The following GPT2 variants were observed in gnomAD, a reference collection of about 807,000 sequenced individuals.
The protein encoded by GPT2 is alanine aminotransferase 2.
A neutral mutation model predicts 56.9 loss-of-function variants in GPT2; 30 were observed. That is an observed-to-expected ratio of 0.53 (90% CI 0.39 to 0.72). The LOEUF (loss-of-function observed/expected upper bound fraction) is 0.72, where lower values mean the gene tolerates loss of function less well. Ranked by LOEUF, GPT2 falls within the 30% of genes least tolerant of loss-of-function variation. GPT2 has a pLI of 0.00. For synonymous variants in GPT2, 271 were observed against 283.1 expected, an observed-to-expected ratio of 0.96 and a Z score of 0.43; for missense variants, 542 against 703.4, an observed-to-expected ratio of 0.77 and a Z score of 2.60.
intron 2 of GPT2, chr16:46,885,262 A>C (rs1043684476): frequency 8.8e-7 from 1 of 1,133,420 alleles, no homozygotes; most frequent in Non-Finnish European, 1.1e-6. Context: ...ACCAAGGTCC[A>C]GTGGAGAGAG....
intron 2 of GPT2, among the ~76,000 whole-genome samples, chr16:46,896,234 C>T (rs931316363): frequency 6.6e-6 from 1 of 152,226 alleles, no homozygotes; most frequent in Admixed American, 6.5e-5. Context: ...TTGGGTTTAT[C>T]AGGGAAATGT....
At chr16:46,903,948 C>T (rs953140478) in intron 4 of GPT2, among the ~76,000 whole-genome samples, 2 of 152,114 alleles carry the variant, frequency 1.3e-5, no homozygotes, top group African/African-American at 4.8e-5. Flanking sequence ...TAAGGGGAAA[C>T]GTGGCATTCA....
chr16:46,901,947 C>T (rs1294504273), intron 4 of GPT2, among the ~76,000 whole-genome samples: 1 of 152,218 alleles, frequency 6.6e-6, no homozygotes. Flanking sequence ...CTTCCGGGCT[C>T]CTTTCCCCCC....
chr16:46,897,350 G>A (rs1056087042), intron 2 of GPT2, among the ~76,000 whole-genome samples: 1 of 152,138 alleles, frequency 6.6e-6, no homozygotes, highest in Non-Finnish European at 1.5e-5. Flanking sequence ...TCCATCTTGG[G>A]CAAGAGAGCA....
chr16:46,921,722 C>T lies in GPT2; in HGVS notation c.1038-520C>T, dbSNP rs78493423. 6.5e-3 allele frequency among the ~76,000 whole-genome samples: 982 copies of T among 152,200 alleles called. 6 individuals are homozygous for T. The highest frequency in any genetic ancestry group is 8.3e-3 in the Non-Finnish European group (562 of 68,012). ...TCATATGATTTGATTTATAATTTGG[C>T]TATAAATTACAGAACTTGGCACGGT... On this transcript the variant is annotated intron_variant, in intron 8 of 11. Transcript: ENST00000340124.
intron 2 of GPT2, among the ~76,000 whole-genome samples, chr16:46,896,984 C>G (rs1960696377): frequency 6.6e-6 from 1 of 152,332 alleles, no homozygotes; most frequent in Admixed American, 6.5e-5. Context: ...ATCGCCTGAG[C>G]CCAGAAGGTC....
intron 8 of GPT2, among the ~76,000 whole-genome samples, chr16:46,921,648 G>A (rs1961290444): frequency 6.6e-6 from 1 of 152,142 alleles, no homozygotes; most frequent in Non-Finnish European, 1.5e-5. Context: ...TGCTGATTTG[G>A]TCTGGAAAGA....
chr16:46,905,551 A>G (rs1960908075), intron 4 of GPT2, among the ~76,000 whole-genome samples: 1 of 152,178 alleles, frequency 6.6e-6, no homozygotes. Context: ...ACAATGAAAC[A>G]TCTGCCTTCC....
At chr16:46,891,710 A>C (rs553622947) in intron 2 of GPT2, among the ~76,000 whole-genome samples, 1 of 152,048 alleles carries the variant, frequency 6.6e-6, no homozygotes, top group Non-Finnish European at 1.5e-5. Context: ...GTGTGTAATA[A>C]TCACATCAGG....
chr16:46,884,909 G>A lies in GPT2; in HGVS notation c.194G>A (p.Arg65Gln). 8 of 1,540,890 alleles carry A rather than the reference G, an allele frequency of 5.2e-6. No individual in the cohort carries two copies. The highest frequency in any genetic ancestry group is 7.0e-6 in the Non-Finnish European group (8 of 1,143,052). ...GTGAAGGCGGTGGAGTACGCCGTGC[G>A]GGGACCCATCGTGCTCAAGGCCGGC... ...PQVKAVEYAV[R>Q]GPIVLKAGEI... The change falls in exon 2 of 12, where the codon CGG (arginine) becomes CAG (glutamine). Residue 65 changes from arginine to glutamine, a missense_variant. Transcript: ENST00000340124.
intron 9 of GPT2, chr16:46,924,138 GGTCA>G: frequency 1.9e-6 from 1 of 524,078 alleles, no homozygotes; most frequent in Non-Finnish European, 3.6e-6. Context: ...GCTCTTCTTT[GGTCA>G]GTCTGTCTGA....
chr16:46,916,854 A>G (rs963908899), intron 7 of GPT2, 147 bp downstream of exon 7: 1 of 639,464 alleles, frequency 1.6e-6, no homozygotes, highest in Non-Finnish European at 2.8e-6. Flanking sequence ...TAGTTTTACA[A>G]CTTGTGGGAC....
chr16:46,886,483 C>CT (rs1261293062), intron 2 of GPT2, among the ~76,000 whole-genome samples: 1 of 152,226 alleles, frequency 6.6e-6, no homozygotes, highest in Non-Finnish European at 1.5e-5. Flanking sequence ...CCACGTTGTT[C>CT]TCTGAGCCTG....
intron 2 of GPT2, among the ~76,000 whole-genome samples, chr16:46,888,415 C>T (rs1053418656): frequency 6.6e-6 from 1 of 152,184 alleles, no homozygotes; most frequent in Admixed American, 6.5e-5. Flanking sequence ...GATGCGATCT[C>T]ATCTCACTGC....
chr16:46,924,592 G>C, intron 10 of GPT2, 48 bp downstream of exon 10: 1 of 1,602,392 alleles, frequency 6.2e-7, no homozygotes, highest in Non-Finnish European at 8.5e-7. Flanking sequence ...GTTCACCTGA[G>C]ATGCTGGGTT....
intron 6 of GPT2, among the ~76,000 whole-genome samples, chr16:46,912,330 A>C (rs1446836019): frequency 6.6e-6 from 1 of 152,302 alleles, no homozygotes; most frequent in South Asian, 2.1e-4. Context: ...TCTGGGTTGC[A>C]GTCCTCAGGA....
At chr16:46,915,186 AC>A (rs1283316857) in intron 6 of GPT2, 2 of 152,144 alleles carry the variant, frequency 1.3e-5, no homozygotes, top group Non-Finnish European at 2.9e-5. Flanking sequence ...CGCTGGGATT[AC>A]AGGCGTGAGC....
At chr16:46,907,272 T>A (rs1343973584) in intron 5 of GPT2, among the ~76,000 whole-genome samples, 1 of 152,206 alleles carries the variant, frequency 6.6e-6, no homozygotes, top group South Asian at 2.1e-4. Context: ...CGTACTGGTG[T>A]TCCTCCTGTG....
intron 5 of GPT2, among the ~76,000 whole-genome samples, chr16:46,909,048 C>T (rs923189102): frequency 2.6e-5 from 4 of 152,032 alleles, no homozygotes; most frequent in Admixed American, 1.3e-4. Context: ...CAGGTCAAAG[C>T]GCCACCTGGT....
Sources: gnomAD v4.1 joint callset for allele counts (sites outside exome capture counted in the v4.1 genomes callset) on GRCh38, gnomAD v4.1.1 for gene constraint, MANE v1.5 for transcripts, NCBI Gene and HGNC (gene_info 2026-07-23, HGNC 2026-07-21) for gene names.